The following CEP112 variants were observed in gnomAD, a reference collection of about 807,000 sequenced individuals.
CEP112 encodes centrosomal protein 112.
CEP112 carries 127 observed loss-of-function variants against 153.0 expected under a neutral mutation model. The ratio of observed to expected loss-of-function variants is 0.83; its 90% CI spans 0.72 to 0.96. The LOEUF (loss-of-function observed/expected upper bound fraction) is 0.96. Among genes scored for constraint, CEP112 ranks in the 40% least tolerant of loss-of-function variants. CEP112 has a pLI of 0.00. For synonymous variants in CEP112, 358 were observed against 374.4 expected (o/e 0.96, Z 0.51); for missense variants, 1,089 against 1,101.2 (o/e 0.99, Z 0.16).
At chr17:65,981,461 G>C (rs547277576) in intron 17 of CEP112, among the ~76,000 whole-genome samples, 1 of 152,304 alleles carries the variant, frequency 6.6e-6, no homozygotes, top group East Asian at 1.9e-4. Context: ...ATTTAATTTT[G>C]CTTTCTTCCT....
rs1277194865 is a variant in CEP112, at chr17:65,656,781, T to C, written c.2698-15716A>G. Among the ~76,000 whole-genome samples the C allele has an allele frequency of 2.0e-5, 3 of 152,224 alleles. No individual in the cohort carries two copies. In the East Asian group the frequency reaches 5.8e-4, roughly 29 times the overall value. On this transcript the variant is annotated intron_variant, in intron 24 of 26. Coordinates refer to ENST00000535342, the MANE Select transcript of CEP112 (RefSeq NM_001199165.4). ...ACTGCTATGGCCTCAGCATTTAGCA[T>C]GGTGCCTGGCATATGGTAGCAACTC...
intron 16 of CEP112, among the ~76,000 whole-genome samples, chr17:66,012,086 A>C (rs2145522323): frequency 6.6e-6 from 1 of 152,228 alleles, no homozygotes; most frequent in East Asian, 1.9e-4. Flanking sequence ...ATTTCTCTCC[A>C]TCTCTTTACT....
At chr17:65,636,122 T>C in intron 26 of CEP112, 148 bp from the exon 27 acceptor site, 1 of 745,772 alleles carries the variant, frequency 1.3e-6, no homozygotes, top group Non-Finnish European at 2.2e-6. Flanking sequence ...CTATAAGGGA[T>C]CAAATCTTAC....
At chr17:66,149,501 A>G (rs938152729) in intron 4 of CEP112, among the ~76,000 whole-genome samples, 1 of 152,148 alleles carries the variant, frequency 6.6e-6, no homozygotes, top group African/African-American at 2.4e-5. Flanking sequence ...TATTGATTCA[A>G]TCTGCTTACT....
At chr17:66,033,866 A>G (rs1216874695) in intron 12 of CEP112, among the ~76,000 whole-genome samples, 1 of 152,218 alleles carries the variant, frequency 6.6e-6, no homozygotes, top group African/African-American at 2.4e-5. Context: ...GGTATTCAAT[A>G]AACATTTGCC....
At chr17:66,110,296 C>A (rs1419064229) in intron 6 of CEP112, among the ~76,000 whole-genome samples, 1 of 149,600 alleles carries the variant, frequency 6.7e-6, no homozygotes, top group Non-Finnish European at 1.5e-5. Context: ...TGCGCCACTG[C>A]ATTCCAGCCT....
At chr17:66,141,192 T>C (rs2070683070) in intron 4 of CEP112, among the ~76,000 whole-genome samples, 1 of 151,980 alleles carries the variant, frequency 6.6e-6, no homozygotes, top group African/African-American at 2.4e-5. Flanking sequence ...TTTGATTTTC[T>C]GTAATATTTA....
chr17:65,969,636 T>C (rs1035835874), intron 17 of CEP112, among the ~76,000 whole-genome samples: 1 of 152,226 alleles, frequency 6.6e-6, no homozygotes, highest in African/African-American at 2.4e-5. Context: ...TGCACACATA[T>C]TGCAAGCATA....
intron 2 of CEP112, chr17:66,181,963 T>C (rs570302532): frequency 6.6e-6 from 1 of 152,300 alleles, no homozygotes; most frequent in African/African-American, 2.4e-5. Context: ...CCATGGCAAC[T>C]TACCCAGGAC....
At chr17:65,702,407 T>C (rs750772418) in intron 23 of CEP112, among the ~76,000 whole-genome samples, 8 of 152,192 alleles carry the variant, frequency 5.3e-5, no homozygotes, top group Non-Finnish European at 8.8e-5. Flanking sequence ...GTGCTCAATA[T>C]ACAGGAATCC....
chr17:66,083,396 G>A (rs1196242587), intron 8 of CEP112, among the ~76,000 whole-genome samples: 9 of 151,852 alleles, frequency 5.9e-5, no homozygotes, highest in Non-Finnish European at 1.0e-4. Context: ...CCCAGTCTTG[G>A]GTATGTCTTT....
intron 24 of CEP112, among the ~76,000 whole-genome samples, chr17:65,681,147 T>C (rs749994351): frequency 1.3e-5 from 2 of 152,188 alleles, no homozygotes; most frequent in African/African-American, 2.4e-5. Context: ...TACAGAGTGA[T>C]TCAATTCAAC....
intron 21 of CEP112, among the ~76,000 whole-genome samples, chr17:65,787,245 C>T (rs1168032895): frequency 3.3e-5 from 5 of 152,136 alleles, no homozygotes; most frequent in African/African-American, 9.7e-5. Flanking sequence ...TTTGGGAAGC[C>T]GAGGTGGGAG....
At chr17:65,700,691 A>G (rs1471019844) in intron 23 of CEP112, among the ~76,000 whole-genome samples, 1 of 152,180 alleles carries the variant, frequency 6.6e-6, no homozygotes, top group South Asian at 2.1e-4. Context: ...CCCTGTAGGA[A>G]TGGGAACCAC....
intron 19 of CEP112, among the ~76,000 whole-genome samples, chr17:65,910,977 T>G (rs1010479597): frequency 1.2e-4 from 19 of 152,150 alleles, no homozygotes; most frequent in African/African-American, 3.9e-4. Context: ...TTAAGACCAA[T>G]GTTTGCACCA....
At chr17:65,978,432 C>A (rs1216761981) in intron 17 of CEP112, among the ~76,000 whole-genome samples, 1 of 152,204 alleles carries the variant, frequency 6.6e-6, no homozygotes, top group Non-Finnish European at 1.5e-5. Context: ...CAAGGCCCAG[C>A]TCGGTCACGT....
intron 24 of CEP112, chr17:65,688,810 C>T (rs975459754): frequency 1.0e-5 from 2 of 191,256 alleles, no homozygotes; most frequent in Non-Finnish European, 2.1e-5. Context: ...TCTTGTCACC[C>T]AGGCTGGAGT....
chr17:65,850,373 G>A (rs1169006647), intron 21 of CEP112, among the ~76,000 whole-genome samples: 2 of 151,826 alleles, frequency 1.3e-5, no homozygotes, highest in African/African-American at 4.8e-5. Context: ...AATAGCCTTG[G>A]TGCTGCCCGT....
chr17:66,061,412 C>T (rs532775258), intron 11 of CEP112, among the ~76,000 whole-genome samples: 1 of 152,184 alleles, frequency 6.6e-6, no homozygotes, highest in East Asian at 1.9e-4. Flanking sequence ...TATGATCTAA[C>T]AATCCCCCTA....
Sources: allele counts gnomAD v4.1 joint callset (sites outside exome capture counted in the v4.1 genomes callset), GRCh38; gene constraint gnomAD v4.1.1; transcripts MANE v1.5; gene names NCBI Gene and HGNC (gene_info 2026-07-23, HGNC 2026-07-21).